ZNF385D: variants seen among roughly 807,000 people sequenced by gnomAD.
ZNF385D encodes the protein zinc finger protein 385D, also known as zinc finger protein 659.
Under a neutral mutation model 35.8 loss-of-function variants are expected in ZNF385D, and 15 were observed. That is an observed-to-expected ratio of 0.42 (90% CI 0.28 to 0.64). ZNF385D has a LOEUF of 0.64. Among genes scored for constraint, ZNF385D ranks in the 30% least tolerant of loss-of-function variants. The pLI is 0.23. For missense variants in ZNF385D, 474 were observed against 494.6 expected (o/e 0.96, Z 0.39); for synonymous variants, 212 against 186.8 (o/e 1.13, Z -1.10).
chr3:21,969,793 A>G (rs893836359), intron 3 of ZNF385D, among the ~76,000 whole-genome samples: 2 of 76,820 alleles, frequency 2.6e-5, no homozygotes, highest in African/African-American at 1.7e-4. Flanking sequence ...GCATAGTTCC[A>G]GTGGTGGTGG....
chr3:22,186,891 C>T lies in ZNF385D; in HGVS notation c.107-17856G>A, dbSNP rs183050332. Among the ~76,000 whole-genome samples the T allele has an allele frequency of 2.9e-4, 44 of 152,156 alleles. 1 individual carries two copies. The highest frequency in any genetic ancestry group is 2.2e-3 in the Admixed American group (33 of 15,248). On this transcript the variant is annotated intron_variant, in intron 2 of 5. Coordinates refer to the ZNF385D transcript ENST00000494108. ...GTGTTTGTTTATAAATGATTATAAA[C>T]ACTTAAATAATGTTACTAACTACAA...
intron 3 of ZNF385D, among the ~76,000 whole-genome samples, chr3:22,143,472 C>T (rs944781032): frequency 1.3e-5 from 2 of 152,150 alleles, no homozygotes; most frequent in African/African-American, 4.8e-5. Flanking sequence ...CACCTCTGTG[C>T]TCTCCAGAAG....
At chr3:22,045,803 G>A (rs186024725) in intron 3 of ZNF385D, among the ~76,000 whole-genome samples, 11 of 151,934 alleles carry the variant, frequency 7.2e-5, no homozygotes, top group Admixed American at 2.0e-4. Context: ...ATGACCTGGC[G>A]ATTTCTATAA....
At chr3:22,317,280 C>CAAAAAAAAAAAAAAA (rs59675675) in intron 2 of ZNF385D, among the ~76,000 whole-genome samples, 4 of 26,098 alleles carry the variant, frequency 1.5e-4, no homozygotes, top group Admixed American at 5.8e-4. Flanking sequence ...ACTCCATCTC[C>CAAAAAAAAAAAAAAA]AAAAAAAAAA....
At chr3:22,202,545 T>G (rs947457588) in intron 2 of ZNF385D, among the ~76,000 whole-genome samples, 1 of 152,046 alleles carries the variant, frequency 6.6e-6, no homozygotes, top group East Asian at 1.9e-4. Context: ...AAATACCAAA[T>G]GGAACAACTT....
chr3:21,581,028 G>A (rs2063643291), intron 2 of ZNF385D, among the ~76,000 whole-genome samples: 1 of 152,052 alleles, frequency 6.6e-6, no homozygotes, highest in African/African-American at 2.4e-5. Context: ...CCCACCGTAA[G>A]TGCCCTGTAT....
chr3:22,083,676 G>C (rs901259505), intron 3 of ZNF385D, among the ~76,000 whole-genome samples: 10 of 152,186 alleles, frequency 6.6e-5, no homozygotes, highest in Non-Finnish European at 1.5e-4. Flanking sequence ...TTATCCAAGA[G>C]AAATTCCCCA....
chr3:21,889,573 T>C (rs775891116), intron 3 of ZNF385D, among the ~76,000 whole-genome samples: 23 of 152,152 alleles, frequency 1.5e-4, no homozygotes, highest in South Asian at 4.1e-4. Context: ...TAGGACTTTA[T>C]TGCCCCTTAA....
intron 4 of ZNF385D, among the ~76,000 whole-genome samples, chr3:21,471,295 T>TCACACACA (rs151185506): frequency 1.2e-5 from 1 of 86,238 alleles, no homozygotes; most frequent in East Asian, 2.7e-4. Context: ...TCTCTCTCTC[T>TCACACACA]CACACACACA....
chr3:21,795,629 T>C (rs2072117140), intron 3 of ZNF385D, among the ~76,000 whole-genome samples: 1 of 152,176 alleles, frequency 6.6e-6, no homozygotes, highest in Non-Finnish European at 1.5e-5. Flanking sequence ...AAGAGAAGGT[T>C]AGGATGTCTC....
chr3:21,665,132 A>G, intron 1 of ZNF385D, 104 bp from the exon 2 acceptor site: 1 of 1,402,402 alleles, frequency 7.1e-7, no homozygotes, highest in African/African-American at 1.5e-5. Context: ...GGTCACTGGA[A>G]AAAACAAGAC....
intron 2 of ZNF385D, among the ~76,000 whole-genome samples, chr3:22,318,250 A>G (rs964364021): frequency 2.0e-5 from 3 of 152,142 alleles, no homozygotes; most frequent in African/African-American, 7.2e-5. Flanking sequence ...TGAGTGTCCA[A>G]GTGGAAAGAA....
At chr3:21,590,559 G>GAATT (rs2063945259) in intron 2 of ZNF385D, among the ~76,000 whole-genome samples, 1 of 151,458 alleles carries the variant, frequency 6.6e-6, no homozygotes, top group African/African-American at 2.4e-5. Context: ...CATAAAAAAT[G>GAATT]AATTACATTG....
intron 2 of ZNF385D, among the ~76,000 whole-genome samples, chr3:22,264,280 C>T (rs143277330): frequency 2.1e-4 from 32 of 152,100 alleles, no homozygotes; most frequent in Middle Eastern, 6.8e-3. Context: ...GCTACTTTTC[C>T]TTGAATTAAA....
In ZNF385D at chr3:21,539,696, A is replaced by G. The variant is rs1454280147; in HGVS notation, c.276+24878T>C. ...AAGAATATATTAAATGTTTTTAAAA[A>G]TCATATATTTATTTTAAATATTTTA... On this transcript the variant is annotated intron_variant, in intron 3 of 7. Coordinates refer to ENST00000281523, the MANE Select transcript of ZNF385D (RefSeq NM_024697.3). The surrounding 1 kb of genome is among the most constrained non-coding windows in gnomAD (Gnocchi z 4.0). Among the ~76,000 whole-genome samples the G allele has an allele frequency of 6.6e-6, 1 of 152,090 alleles. No individual in the cohort carries two copies. The highest frequency in any genetic ancestry group is 1.9e-4 in the East Asian group (1 of 5,198).
intron 2 of ZNF385D, among the ~76,000 whole-genome samples, chr3:22,317,064 G>A (rs1703928708): frequency 1.3e-5 from 2 of 151,900 alleles, no homozygotes; most frequent in South Asian, 4.2e-4. Flanking sequence ...GATTACCTGA[G>A]GTCAGGAGCT....
intron 3 of ZNF385D, among the ~76,000 whole-genome samples, chr3:21,849,951 C>A (rs942000852): frequency 6.6e-6 from 1 of 151,912 alleles, no homozygotes; most frequent in Admixed American, 6.6e-5. Context: ...ACTATGTTGC[C>A]CATGCTAGTC....
At chr3:22,171,040 G>T (rs1302771827) in intron 2 of ZNF385D, among the ~76,000 whole-genome samples, 1 of 152,118 alleles carries the variant, frequency 6.6e-6, no homozygotes, top group East Asian at 1.9e-4. Context: ...ATTCTGAGTG[G>T]CAAGATTAGA....
intron 4 of ZNF385D, among the ~76,000 whole-genome samples, chr3:21,468,007 A>C (rs1703625356): frequency 6.6e-6 from 1 of 152,200 alleles, no homozygotes; most frequent in Non-Finnish European, 1.5e-5. Flanking sequence ...ATATCTTTGA[A>C]AAAAAGATTG....
Sources: gnomAD v4.1 joint callset for allele counts (sites outside exome capture counted in the v4.1 genomes callset) on GRCh38, gnomAD v4.1.1 for gene constraint, Gnocchi (gnomAD v3.1) non-coding constraint, MANE v1.5 for transcripts, NCBI Gene and HGNC (gene_info 2026-07-23, HGNC 2026-07-21) for gene names.